ZNRF2: variants seen among roughly 807,000 people sequenced by gnomAD.
ZNRF2 encodes E3 ubiquitin-protein ligase ZNRF2.
A neutral mutation model predicts 20.4 loss-of-function variants in ZNRF2; 16 were observed. The observed-to-expected ratio is 0.79, with a 90% confidence interval of 0.53 to 1.19. The LOEUF is 1.19. Ranked by LOEUF, ZNRF2 falls within the 50% of genes most tolerant of loss-of-function variation. The pLI, the probability that ZNRF2 is intolerant of heterozygous loss-of-function variation, is 0.00. For missense variants in ZNRF2, 363 were observed against 332.4 expected (o/e 1.09, Z -0.72); for synonymous variants, 178 against 144.9 (o/e 1.23, Z -1.64).
chr7:30,295,396 T>C (rs993096824), intron 1 of ZNRF2, among the ~76,000 whole-genome samples: 1 of 152,154 alleles, frequency 6.6e-6, no homozygotes, highest in African/African-American at 2.4e-5. Flanking sequence ...GCTTAGTTCC[T>C]CTGTACCTCC....
rs188895413 is a variant in ZNRF2 at position 30,292,406 on chromosome 7, C to T, written c.469+6580C>T. ...AAATCACTCAAATATTTAATGAGGA[C>T]GCGCTTTTCCGGACACTATTCTGGG... On this transcript the variant is annotated intron_variant, in intron 1 of 4. Transcript: ENST00000323037. Among the ~76,000 whole-genome samples, 23 of 152,042 alleles carry T rather than the reference C, an allele frequency of 1.5e-4. No individual in the cohort carries two copies. The East Asian group carries it at 1.9e-3, about 13-fold the overall frequency.
rs1462146795 is a variant in ZNRF2, at chr7:30,285,582, G to A, written c.225G>A (p.Pro75=). The change falls in exon 1 of 5, where the codon CCG becomes CCA. Residue 75 remains proline (P), a synonymous_variant. Coordinates refer to ENST00000323037, the MANE Select transcript of ZNRF2 (RefSeq NM_147128.4). ...CGGCCGCGGCGGCCCCGGCAGCCCCGGCGGCCCCGCGCAGCCGCTCCCTCG... is the reference window on the plus strand; with the variant it reads ...CGGCCGCGGCGGCCCCGGCAGCCCCAGCGGCCCCGCGCAGCCGCTCCCTCG... The part of the protein sequence containing the change: ...AAAAAAAPAA[P]AAPRSRSLGG... The A allele has an allele frequency of 2.9e-6, 3 of 1,034,582 alleles. No homozygotes were observed. The highest frequency in any genetic ancestry group is 4.4e-5 in the South Asian group (1 of 22,480). The allele number at this position is 1,034,582 out of a possible 1,614,324, so 64.1% of individuals were successfully genotyped here.
chr7:30,355,361 C>T (rs1316440010), intron 2 of ZNRF2, among the ~76,000 whole-genome samples: 3 of 152,118 alleles, frequency 2.0e-5, no homozygotes, highest in African/African-American at 7.2e-5. Context: ...CCACATTACA[C>T]TGTAAAATTC....
chr7:30,287,926 A>G (rs1186828101), intron 1 of ZNRF2, among the ~76,000 whole-genome samples: 4 of 152,214 alleles, frequency 2.6e-5, no homozygotes, highest in South Asian at 2.1e-4. Flanking sequence ...ATTGCTGGAA[A>G]GACATCAGAG....
intron 2 of ZNRF2, among the ~76,000 whole-genome samples, chr7:30,325,902 T>C (rs1167760215): frequency 6.6e-6 from 1 of 152,190 alleles, no homozygotes; most frequent in Non-Finnish European, 1.5e-5. Context: ...TGACTAAAAG[T>C]ATATGGGTTT....
At chr7:30,351,006 GT>G (rs71557456) in intron 2 of ZNRF2, among the ~76,000 whole-genome samples, 8 of 121,052 alleles carry the variant, frequency 6.6e-5, no homozygotes, top group Non-Finnish European at 9.2e-5. Context: ...TTGGTTTTTT[GT>G]TTTTTTTTTT....
At position 30,307,333 on chromosome 7, in the gene ZNRF2, T is replaced by TG. The variant is rs200478887; in HGVS notation, c.470-16309_470-16308insG. Reference sequence around the variant, plus strand: ...TTTCTGCTGTTTTTTTTTGTTTTTTTTTTTTTTTTTTTTTTTTGGCTGGGG... The same window carrying TG: ...TTTCTGCTGTTTTTTTTTGTTTTTTTGTTTTTTTTTTTTTTTTTGGCTGGGG... On this transcript the variant is annotated intron_variant, in intron 1 of 4. Transcript: ENST00000323037. 1.8e-3 allele frequency among the ~76,000 whole-genome samples: 231 copies of TG among 131,732 alleles called. 2 individuals carry two copies. The highest frequency in any genetic ancestry group is 1.5e-3 in the Non-Finnish European group (95 of 62,858). The allele number at this position is 131,732 out of a possible 152,430, so 86.4% of individuals were successfully genotyped here.
intron 2 of ZNRF2, among the ~76,000 whole-genome samples, chr7:30,332,509 C>T (rs1284545286): frequency 6.6e-6 from 1 of 152,108 alleles, no homozygotes; most frequent in Non-Finnish European, 1.5e-5. Context: ...AGTTTTTCAA[C>T]CCTTGTCCCC....
chr7:30,346,508 A>G (rs991426064), intron 2 of ZNRF2, among the ~76,000 whole-genome samples: 5 of 151,728 alleles, frequency 3.3e-5, no homozygotes, highest in Non-Finnish European at 7.4e-5. Flanking sequence ...CTACTTTTTA[A>G]CTTGCAGTAT....
At chr7:30,320,383 T>C (rs1201516158) in intron 1 of ZNRF2, among the ~76,000 whole-genome samples, 1 of 152,186 alleles carries the variant, frequency 6.6e-6, no homozygotes, top group African/African-American at 2.4e-5. Context: ...GGACAGGCTG[T>C]GGTTAAGTAA....
At position 30,357,808 on chromosome 7, in the gene ZNRF2, A is replaced by G. The variant is rs115546047; in HGVS notation, c.671+1975A>G. Among the ~76,000 whole-genome samples, 1,016 of 152,300 alleles carry G rather than the reference A, an allele frequency of 6.7e-3. 14 individuals are homozygous for G. The highest frequency in any genetic ancestry group is 0.024 in the African/African-American group (978 of 41,572). ...GCTAACAACCTTAGATTCTTCCAAG[A>G]AGTAGAAAAAGATGGAAGGTTCTCC... On this transcript the variant is annotated intron_variant, in intron 3 of 4. Coordinates refer to ENST00000323037, the MANE Select transcript of ZNRF2 (RefSeq NM_147128.4).
intron 2 of ZNRF2, among the ~76,000 whole-genome samples, chr7:30,350,116 G>A (rs1360376988): frequency 2.6e-5 from 4 of 151,906 alleles, no homozygotes; most frequent in Admixed American, 2.0e-4. Flanking sequence ...GGTAAGTTAG[G>A]AGCAAAAAGG....
At chr7:30,351,286 A>T (rs1216605704) in intron 2 of ZNRF2, among the ~76,000 whole-genome samples, 2 of 152,038 alleles carry the variant, frequency 1.3e-5, no homozygotes, top group East Asian at 3.8e-4. Flanking sequence ...AAATTAAATT[A>T]AAAATTCAGT....
At chr7:30,309,276 A>G (rs1799254994) in intron 1 of ZNRF2, among the ~76,000 whole-genome samples, 2 of 152,172 alleles carry the variant, frequency 1.3e-5, no homozygotes, top group African/African-American at 2.4e-5. Context: ...GTTATACTGA[A>G]TATTTTCTGT....
intron 2 of ZNRF2, among the ~76,000 whole-genome samples, chr7:30,343,541 T>C (rs1346674968): frequency 6.6e-6 from 1 of 152,182 alleles, no homozygotes; most frequent in Non-Finnish European, 1.5e-5. Flanking sequence ...GGTATAAACA[T>C]AACTATTATA....
intron 2 of ZNRF2, among the ~76,000 whole-genome samples, chr7:30,355,206 T>C (rs989465857): frequency 6.6e-6 from 1 of 152,168 alleles, no homozygotes. Context: ...TTTCAGAATC[T>C]ATACAAAAGT....
chr7:30,307,334 T>TG lies in ZNRF2; in HGVS notation c.470-16308_470-16307insG, dbSNP rs201459617. ...TTCTGCTGTTTTTTTTTGTTTTTTT[T>TG]TTTTTTTTTTTTTTTTGGCTGGGGG... On this transcript the variant is annotated intron_variant, in intron 1 of 4. Coordinates refer to ENST00000323037, the MANE Select transcript of ZNRF2 (RefSeq NM_147128.4). Among the ~76,000 whole-genome samples, 1,203 of 127,656 alleles carry TG rather than the reference T, an allele frequency of 9.4e-3. 6 individuals are homozygous for TG. The highest frequency in any genetic ancestry group is 0.036 in the African/African-American group (1,135 of 31,448). 83.7% of individuals were successfully genotyped at this position (127,656 alleles called of 152,430 possible).
chr7:30,302,534 G>T (rs1193907862), intron 1 of ZNRF2, among the ~76,000 whole-genome samples: 1 of 150,660 alleles, frequency 6.6e-6, no homozygotes, highest in Non-Finnish European at 1.5e-5. Context: ...ATAAATTAAA[G>T]TACTATGTTT....
chr7:30,330,770 A>G (rs962794188), intron 2 of ZNRF2, among the ~76,000 whole-genome samples: 1 of 135,742 alleles, frequency 7.4e-6, no homozygotes, highest in Non-Finnish European at 1.5e-5. Context: ...AACTGAAGTT[A>G]AAAAAAAAAA....
Sources: allele counts gnomAD v4.1 joint callset (sites outside exome capture counted in the v4.1 genomes callset), GRCh38; gene constraint gnomAD v4.1.1; transcripts MANE v1.5; gene names NCBI Gene and HGNC (gene_info 2026-07-23, HGNC 2026-07-21).